Variants in FSTL4 observed in about 807,000 individuals in gnomAD.
The protein encoded by FSTL4 is follistatin-related protein 4.
Under a neutral mutation model 78.2 loss-of-function variants are expected in FSTL4, and 28 were observed. That is an observed-to-expected ratio of 0.36 (90% confidence interval 0.27 to 0.49). FSTL4 has a LOEUF of 0.49. FSTL4 is among the 20% of genes least tolerant of loss of function. FSTL4 has a pLI of 0.98. For missense variants in FSTL4, 922 were observed against 1,084.9 expected (o/e 0.85, Z 2.11); for synonymous variants, 422 against 440.5 (o/e 0.96, Z 0.53).
intron 3 of FSTL4, among the ~76,000 whole-genome samples, chr5:133,482,249 A>C (rs1290922988): frequency 6.6e-6 from 1 of 152,252 alleles, no homozygotes; most frequent in Non-Finnish European, 1.5e-5. Context: ...ACCCAGTCTG[A>C]TAATCCAGAC....
chr5:133,818,894 TTCCAACAAAG>T, the FSTL4 span, among the ~76,000 whole-genome samples: 1 of 127,384 alleles, frequency 7.9e-6, no homozygotes, highest in Non-Finnish European at 1.7e-5. Flanking sequence ...AGCCCTTCTC[TTCCAACAAAG>T]TCCAGGAGAA....
intron 4 of FSTL4, among the ~76,000 whole-genome samples, chr5:133,341,769 A>G (rs1240426899): frequency 1.3e-5 from 2 of 152,164 alleles, no homozygotes; most frequent in African/African-American, 4.8e-5. Context: ...TGCCACTTAT[A>G]AGCTATGTGA....
In FSTL4 at chr5:133,380,291, T is replaced by G. The variant is rs1755537452; in HGVS notation, c.409+20447A>C. Among the ~76,000 whole-genome samples, 4 of 151,728 alleles carry G rather than the reference T, an allele frequency of 2.6e-5. No individual in the cohort carries two copies. The South Asian group carries it at 6.2e-4, about 24-fold the overall frequency. On this transcript the variant is annotated intron_variant, in intron 4 of 15. Coordinates refer to ENST00000265342, the MANE Select transcript of FSTL4 (RefSeq NM_015082.2). ...AAAAATCAACAAAATTGACAAAACC[T>G]TTAGCTAGACTAACAAAAAAATTTT...
chr5:133,374,641 G>A (rs889348131), intron 4 of FSTL4, among the ~76,000 whole-genome samples: 3 of 152,038 alleles, frequency 2.0e-5, no homozygotes, highest in African/African-American at 7.2e-5. Context: ...GAGGTGAGGT[G>A]TCTGTTAGGT....
chr5:133,242,867 C>A (rs1460045497), intron 7 of FSTL4, among the ~76,000 whole-genome samples: 1 of 152,216 alleles, frequency 6.6e-6, no homozygotes, highest in East Asian at 1.9e-4. Context: ...AATGCAGAGC[C>A]TACAACCACT....
the FSTL4 span, among the ~76,000 whole-genome samples, chr5:133,699,667 G>A: frequency 6.6e-6 from 1 of 152,220 alleles, no homozygotes; most frequent in South Asian, 2.1e-4. Flanking sequence ...GGATCACGAG[G>A]TCAGGAGATC....
At chr5:133,455,071 G>C (rs1363837845) in intron 3 of FSTL4, among the ~76,000 whole-genome samples, 2 of 152,230 alleles carry the variant, frequency 1.3e-5, no homozygotes, top group Non-Finnish European at 2.9e-5. Context: ...TGAGTGTCAG[G>C]CTCCATACTA....
At chr5:133,524,572 A>G (rs528511664) in intron 3 of FSTL4, among the ~76,000 whole-genome samples, 2 of 152,342 alleles carry the variant, frequency 1.3e-5, no homozygotes, top group South Asian at 2.1e-4. Flanking sequence ...AGCCTGCTGT[A>G]GACAGGGGCA....
chr5:133,624,291 A>G, the FSTL4 span, among the ~76,000 whole-genome samples: 1 of 152,076 alleles, frequency 6.6e-6, no homozygotes, highest in Non-Finnish European at 1.5e-5. Flanking sequence ...GTACTGATAC[A>G]TGCTACAACA....
chr5:133,680,991 C>A, the FSTL4 span, among the ~76,000 whole-genome samples: 1 of 152,208 alleles, frequency 6.6e-6, no homozygotes, highest in Admixed American at 6.5e-5. Context: ...CCATCATGTG[C>A]AGTGGCCTCT....
chr5:133,666,664 C>T, the FSTL4 span, among the ~76,000 whole-genome samples: 5 of 152,078 alleles, frequency 3.3e-5, no homozygotes, highest in South Asian at 4.2e-4. Flanking sequence ...AGAACCTGCT[C>T]GTGCGATATA....
At chr5:133,771,573 T>C in the FSTL4 span, among the ~76,000 whole-genome samples, 3 of 152,196 alleles carry the variant, frequency 2.0e-5, no homozygotes, top group Admixed American at 6.5e-5. Context: ...TTTCTGTACA[T>C]TAATTTTTTT....
chr5:133,510,524 A>G (rs1284836860), intron 3 of FSTL4, among the ~76,000 whole-genome samples: 1 of 152,100 alleles, frequency 6.6e-6, no homozygotes. Context: ...GACCTACCCA[A>G]CAATGTTCCC....
chr5:133,826,677 T>A, the FSTL4 span, among the ~76,000 whole-genome samples: 2 of 152,194 alleles, frequency 1.3e-5, no homozygotes, highest in Non-Finnish European at 2.9e-5. Flanking sequence ...CATCTCAAGA[T>A]CCTTAATTTA....
the FSTL4 span, among the ~76,000 whole-genome samples, chr5:133,643,712 C>A: frequency 8.8e-3 from 1,334 of 152,232 alleles, 7 homozygotes; most frequent in Non-Finnish European, 0.014. Context: ...CAGATGGTGC[C>A]CCGATGATGT....
chr5:133,286,765 T>C (rs940858261), intron 6 of FSTL4, among the ~76,000 whole-genome samples: 17 of 152,184 alleles, frequency 1.1e-4, no homozygotes, highest in Non-Finnish European at 2.4e-4. Context: ...TCAGCCTTCT[T>C]TGCTGCTTTT....
chr5:133,398,290 T>A (rs1207174713), intron 4 of FSTL4, among the ~76,000 whole-genome samples: 1 of 152,142 alleles, frequency 6.6e-6, no homozygotes. Flanking sequence ...CCACCAGGAC[T>A]ACAGCTGACC....
Position 133,225,986 on chromosome 5 carries a change from A to G in FSTL4, c.1016-167T>C, listed in dbSNP as rs545350948. 4.7e-5 allele frequency: 22 copies of G among 471,678 alleles called. No homozygotes were observed. Among genetic ancestry groups the G allele is most frequent in the African/African-American group, 4.3e-4 (22 of 50,854 alleles). 29.2% of individuals were successfully genotyped at this position (471,678 alleles called of 1,614,324 possible). Reference sequence around the variant, plus strand: ...CCTGTCCAGCAACGCAAGCTCTAAAAGAAAGGGCTATAAAATAGATTGCAG... The same window carrying G: ...CCTGTCCAGCAACGCAAGCTCTAAAGGAAAGGGCTATAAAATAGATTGCAG... On this transcript the variant is annotated intron_variant, in intron 8 of 15. Coordinates refer to ENST00000265342, the MANE Select transcript of FSTL4 (RefSeq NM_015082.2). This position sits in a 1 kb window ranked among gnomAD's most constrained non-coding sequence, Gnocchi z 4.6.
intron 3 of FSTL4, among the ~76,000 whole-genome samples, chr5:133,428,698 A>G (rs1434487289): frequency 6.6e-6 from 1 of 152,190 alleles, no homozygotes; most frequent in Admixed American, 6.5e-5. Flanking sequence ...CTCTCTGCAG[A>G]AGCAACCTCG....
Sources: allele counts gnomAD v4.1 joint callset (sites outside exome capture counted in the v4.1 genomes callset), GRCh38; gene constraint gnomAD v4.1.1; non-coding constraint Gnocchi (gnomAD v3.1); transcripts MANE v1.5; gene names NCBI Gene and HGNC (gene_info 2026-07-23, HGNC 2026-07-21).